CTXND1: variants seen among roughly 807,000 people sequenced by gnomAD.
The protein encoded by CTXND1 is cortexin domain containing 1, also known as cortexin domain-containing 1 protein.
rs767810333 is a variant in CTXND1, at chr15:80,201,855, A to G, written c.95T>C (p.Met32Thr). 7.5e-6 allele frequency: 3 copies of G among 398,768 alleles called. No individual in the cohort carries two copies. The highest frequency in any genetic ancestry group is 1.3e-5 in the Non-Finnish European group (3 of 226,190). 24.7% of individuals were successfully genotyped at this position (398,768 alleles called of 1,614,324 possible). ...FVFLCLFLVV[M>T]IIRCAKVIMD... ...GATGACCTTGGCACAGCGGATGATC[A>G]TCACGACAAGGAAGAGGCAGAGGAA... The change falls in exon 3 of 3, where the codon ATG becomes ACG. Residue 32 changes from methionine to threonine, a missense_variant. Physicochemically the swap from Met to Thr is moderately conservative, Grantham distance 81. Transcript: ENST00000560778.
chr15:80,226,924 A>G (rs1893378476), intron 1 of CTXND1, among the ~76,000 whole-genome samples: 1 of 152,206 alleles, frequency 6.6e-6, no homozygotes, highest in Non-Finnish European at 1.5e-5. Flanking sequence ...GGAAAAGAGT[A>G]ATAAATTCAC....
chr15:80,229,495 C>T (rs1243642046), intron 1 of CTXND1, among the ~76,000 whole-genome samples: 1 of 152,178 alleles, frequency 6.6e-6, no homozygotes, highest in Non-Finnish European at 1.5e-5. Flanking sequence ...AGGTCCATGA[C>T]AGACTGGAAA....
At chr15:80,202,594 C>A (rs1163921327) in intron 2 of CTXND1, among the ~76,000 whole-genome samples, 1 of 152,156 alleles carries the variant, frequency 6.6e-6, no homozygotes, top group Non-Finnish European at 1.5e-5. Flanking sequence ...GGATTACAGG[C>A]GTGACCACTG....
At chr15:80,224,246 G>A (rs536012123) in intron 1 of CTXND1, among the ~76,000 whole-genome samples, 113 of 152,242 alleles carry the variant, frequency 7.4e-4, no homozygotes, top group African/African-American at 2.6e-3. Flanking sequence ...ACCACCGACC[G>A]ACTGCAATCA....
At chr15:80,223,756 GT>G (rs1456022136) in intron 1 of CTXND1, among the ~76,000 whole-genome samples, 1 of 149,142 alleles carries the variant, frequency 6.7e-6, no homozygotes, top group Non-Finnish European at 1.5e-5. Flanking sequence ...GTAGATTGTG[GT>G]TTTTATTTGC....
In CTXND1 at chr15:80,200,601, C is replaced by T. The variant is rs1175470188; in HGVS notation, c.*1169G>A. ...ATTCATAGTATATTCACTCCCCTTT[C>T]TGTCCTTTCGTTCACATGAGGTATA... On this transcript the variant is annotated 3_prime_UTR_variant, in exon 3 of 3. Coordinates refer to ENST00000560778, the MANE Select transcript of CTXND1 (RefSeq NM_001352888.2). 2 of 152,200 alleles carry T rather than the reference C, an allele frequency of 1.3e-5. No homozygotes were observed. The highest frequency in any genetic ancestry group is 2.9e-5 in the Non-Finnish European group (2 of 68,032). 9.4% of individuals were successfully genotyped at this position (152,200 alleles called of 1,614,324 possible).
Position 80,196,107 on chromosome 15 carries a change from A to G in CTXND1, c.*5663T>C, listed in dbSNP as rs1159708339. ...CGCTAGGGCACTTGGTACTCCCTGT[A>G]TCCCTTGTCCTCATTCTGTAAGCCT... On this transcript the variant is annotated 3_prime_UTR_variant, in exon 3 of 3. Transcript: ENST00000560778. 6.6e-6 allele frequency: 1 copy of G among 152,324 alleles called. No individual in the cohort carries two copies. Among genetic ancestry groups the G allele is most frequent in the African/African-American group, 2.4e-5 (1 of 41,580 alleles). The allele number at this position is 152,324 out of a possible 1,614,324, so 9.4% of individuals were successfully genotyped here.
chr15:80,236,451 A>G lies in CTXND1; in HGVS notation c.-218+15556T>C, dbSNP rs370984621. 2.2e-4 allele frequency among the ~76,000 whole-genome samples: 34 copies of G among 152,314 alleles called. 2 individuals are homozygous for G. Among genetic ancestry groups the G allele is most frequent in the Admixed American group, 1.1e-3 (17 of 15,304 alleles). ...TAGATTTGCAGTCATGGTAATGCAT[A>G]ATGATGTTTCCATCAACCATAGTGG... On this transcript the variant is annotated intron_variant, in intron 1 of 2. Transcript: ENST00000560778.
chr15:80,246,339 T>G (rs1595911476), intron 1 of CTXND1, among the ~76,000 whole-genome samples: 1 of 152,338 alleles, frequency 6.6e-6, no homozygotes, highest in African/African-American at 2.4e-5. Flanking sequence ...AATTATGGAC[T>G]TTTGTTGTGG....
intron 1 of CTXND1, among the ~76,000 whole-genome samples, chr15:80,240,954 G>A (rs530188134): frequency 2.6e-5 from 4 of 152,284 alleles, no homozygotes; most frequent in African/African-American, 4.8e-5. Context: ...GGACCCACTC[G>A]GGAGACAAGT....
intron 1 of CTXND1, among the ~76,000 whole-genome samples, chr15:80,208,939 G>A (rs1339008142): frequency 2.6e-5 from 4 of 152,164 alleles, no homozygotes; most frequent in Admixed American, 1.3e-4. Context: ...TTGAATGTGC[G>A]AGGGATTCCT....
chr15:80,244,860 C>T (rs1893610458), intron 1 of CTXND1, among the ~76,000 whole-genome samples: 1 of 152,162 alleles, frequency 6.6e-6, no homozygotes, highest in Non-Finnish European at 1.5e-5. Context: ...ACAATCTCAT[C>T]ATCTCATCTG....
intron 1 of CTXND1, among the ~76,000 whole-genome samples, chr15:80,249,520 A>G (rs769320990): frequency 2.6e-4 from 39 of 152,364 alleles, no homozygotes; most frequent in Non-Finnish European, 5.0e-4. Context: ...TGGAATATAT[A>G]AAATGCTTAG....
chr15:80,246,670 T>C (rs1455111397), intron 1 of CTXND1, among the ~76,000 whole-genome samples: 2 of 152,262 alleles, frequency 1.3e-5, no homozygotes, highest in Non-Finnish European at 1.5e-5. Context: ...CAAGCAAGTA[T>C]GCAAACTGCT....
At chr15:80,219,323 T>C (rs1485225208) in intron 1 of CTXND1, among the ~76,000 whole-genome samples, 1 of 152,180 alleles carries the variant, frequency 6.6e-6, no homozygotes, top group East Asian at 1.9e-4. Context: ...TTCAACTCGA[T>C]GACTTTGAGA....
At chr15:80,228,119 T>G (rs933560691) in intron 1 of CTXND1, among the ~76,000 whole-genome samples, 1 of 152,236 alleles carries the variant, frequency 6.6e-6, no homozygotes, top group Non-Finnish European at 1.5e-5. Context: ...TGTGCAAGTT[T>G]GATCATGAGA....
chr15:80,200,776 T>C lies in CTXND1; in HGVS notation c.*994A>G. The C allele has an allele frequency of 6.6e-6, 1 of 152,198 alleles. No homozygotes were observed. The highest frequency in any genetic ancestry group is 1.9e-4 in the East Asian group (1 of 5,202). 9.4% of individuals were successfully genotyped at this position (152,198 alleles called of 1,614,324 possible). On this transcript the variant is annotated 3_prime_UTR_variant, in exon 3 of 3. Transcript: ENST00000560778. The stretch of plus-strand genomic sequence containing the variant: ...AGAACCCAGGTCTCCCCATTCAATA[T>C]TCATCTCATGGACTGTGCACCCCCA...
chr15:80,239,498 A>C (rs1457183264), intron 1 of CTXND1, among the ~76,000 whole-genome samples: 1 of 152,176 alleles, frequency 6.6e-6, no homozygotes, highest in African/African-American at 2.4e-5. Flanking sequence ...TGAAAAGGAG[A>C]GACAGGCGCA....
chr15:80,224,703 C>T (rs991222807), intron 1 of CTXND1, among the ~76,000 whole-genome samples: 2 of 152,138 alleles, frequency 1.3e-5, no homozygotes, highest in African/African-American at 4.8e-5. Context: ...GTATATCTCT[C>T]CATTTATTTA....
Sources: allele counts gnomAD v4.1 joint callset (sites outside exome capture counted in the v4.1 genomes callset), GRCh38; gene constraint gnomAD v4.1.1; transcripts MANE v1.5; gene names NCBI Gene and HGNC (gene_info 2026-07-23, HGNC 2026-07-21).